EXOC4: variants seen among roughly 807,000 people sequenced by gnomAD.
The protein encoded by EXOC4 is SEC8-like 1.
In EXOC4, 71 loss-of-function variants were observed where a neutral mutation model predicts 107.2. That is an observed-to-expected ratio of 0.66 (90% CI 0.55 to 0.81). The LOEUF is 0.81. EXOC4 is among the 30% of genes least tolerant of loss of function. EXOC4 has a pLI of 0.00. For synonymous variants in EXOC4, 456 were observed against 441.2 expected (o/e 1.03, Z -0.42); for missense variants, 1,108 against 1,189.6 (o/e 0.93, Z 1.01).
intron 10 of EXOC4, among the ~76,000 whole-genome samples, chr7:133,752,657 C>A (rs931053558): frequency 2.0e-5 from 3 of 151,932 alleles, no homozygotes; most frequent in Non-Finnish European, 2.9e-5. Flanking sequence ...AAACAAAAAA[C>A]AAAAAAGAGT....
intron 17 of EXOC4, among the ~76,000 whole-genome samples, chr7:134,033,597 C>T (rs2116488128): frequency 6.6e-6 from 1 of 152,216 alleles, no homozygotes; most frequent in Middle Eastern, 3.4e-3. Context: ...GAAAAGAGAA[C>T]AGAGAATGAA....
intron 9 of EXOC4, among the ~76,000 whole-genome samples, chr7:133,615,176 C>T (rs1257488610): frequency 6.6e-6 from 1 of 152,048 alleles, no homozygotes; most frequent in Non-Finnish European, 1.5e-5. Context: ...ATGCCTGACT[C>T]TCCGGCCTCC....
intron 10 of EXOC4, among the ~76,000 whole-genome samples, chr7:133,806,566 A>G (rs1797082618): frequency 6.6e-6 from 1 of 152,186 alleles, no homozygotes; most frequent in South Asian, 2.1e-4. Flanking sequence ...ATGTCCCAGT[A>G]CCTCAGCACA....
At chr7:133,552,656 G>A (rs1375748775) in intron 9 of EXOC4, among the ~76,000 whole-genome samples, 1 of 152,078 alleles carries the variant, frequency 6.6e-6, no homozygotes, top group Non-Finnish European at 1.5e-5. Context: ...AGGAGGGATA[G>A]TTTCCTTAAC....
chr7:133,280,625 AT>A lies in EXOC4; in HGVS notation c.276+5462del, dbSNP rs552224234. 3.3e-5 allele frequency among the ~76,000 whole-genome samples: 5 copies of A among 151,916 alleles called. No homozygotes were observed. In the East Asian group the frequency reaches 9.6e-4, roughly 29 times the overall value. On this transcript the variant is annotated intron_variant, in intron 2 of 17. Coordinates refer to ENST00000253861, the MANE Select transcript of EXOC4 (RefSeq NM_021807.4). ...GGTGCTAGATCAAGCTCTGAATCTCATTTTTTTTGCCTATAATGAGAAATAA... is the reference window on the plus strand; with the variant it reads ...GGTGCTAGATCAAGCTCTGAATCTCATTTTTTTGCCTATAATGAGAAATAA...
chr7:133,969,663 C>T (rs552928019), intron 14 of EXOC4, among the ~76,000 whole-genome samples: 89 of 152,330 alleles, frequency 5.8e-4, no homozygotes, highest in Middle Eastern at 6.8e-3. Flanking sequence ...GTATCACCAG[C>T]GGAGGCTGCA....
chr7:133,336,142 G>A (rs761662015), intron 5 of EXOC4, among the ~76,000 whole-genome samples: 1 of 152,114 alleles, frequency 6.6e-6, no homozygotes, highest in Admixed American at 6.5e-5. Context: ...TTCATAGGTT[G>A]CCTTTTAGCT....
At chr7:133,278,276 A>G (rs1794044959) in intron 2 of EXOC4, among the ~76,000 whole-genome samples, 1 of 152,256 alleles carries the variant, frequency 6.6e-6, no homozygotes, top group Non-Finnish European at 1.5e-5. Flanking sequence ...TTTCAGGTGT[A>G]GAAGTGAAGA....
At chr7:133,296,787 T>C (rs1002283347) in intron 3 of EXOC4, among the ~76,000 whole-genome samples, 1 of 152,138 alleles carries the variant, frequency 6.6e-6, no homozygotes, top group African/African-American at 2.4e-5. Flanking sequence ...CCTACGAGGT[T>C]CAGCAATTTC....
intron 14 of EXOC4, among the ~76,000 whole-genome samples, chr7:133,985,036 G>A (rs1794082629): frequency 6.6e-6 from 1 of 152,120 alleles, no homozygotes; most frequent in Non-Finnish European, 1.5e-5. Flanking sequence ...CGAATGTTGA[G>A]ACATCTAAGA....
intron 7 of EXOC4, among the ~76,000 whole-genome samples, chr7:133,466,087 A>G (rs377134927): frequency 1.3e-5 from 2 of 152,016 alleles, no homozygotes. Context: ...CAGTGAGCTG[A>G]GATCATGCCA....
At chr7:133,391,503 G>C (rs140221492) in intron 7 of EXOC4, among the ~76,000 whole-genome samples, 3 of 152,188 alleles carry the variant, frequency 2.0e-5, no homozygotes, top group African/African-American at 7.2e-5. Context: ...GGACACGTGC[G>C]TACTGGAAGG....
At chr7:133,281,757 A>T (rs1347445901) in intron 2 of EXOC4, among the ~76,000 whole-genome samples, 1 of 149,102 alleles carries the variant, frequency 6.7e-6, no homozygotes, top group Non-Finnish European at 1.5e-5. Context: ...GCTGGAGGGC[A>T]ATGATATGAT....
chr7:133,458,729 A>G (rs1798520151), intron 7 of EXOC4, among the ~76,000 whole-genome samples: 1 of 152,234 alleles, frequency 6.6e-6, no homozygotes, highest in African/African-American at 2.4e-5. Flanking sequence ...CAGAGAGAAT[A>G]TTGCACATTT....
intron 5 of EXOC4, among the ~76,000 whole-genome samples, chr7:133,349,963 T>C (rs1285666807): frequency 6.6e-6 from 1 of 152,136 alleles, no homozygotes; most frequent in Non-Finnish European, 1.5e-5. Flanking sequence ...TTCAAGTGCA[T>C]ATTGGCCATT....
intron 10 of EXOC4, among the ~76,000 whole-genome samples, chr7:133,662,955 T>C (rs1394034905): frequency 2.0e-5 from 3 of 152,188 alleles, no homozygotes; most frequent in African/African-American, 7.2e-5. Context: ...GCAAGTGATA[T>C]GGCTGTTAAT....
chr7:133,339,558 A>G (rs1434948490), intron 5 of EXOC4, among the ~76,000 whole-genome samples: 2 of 152,106 alleles, frequency 1.3e-5, no homozygotes, highest in Non-Finnish European at 2.9e-5. Flanking sequence ...TGATGGTGGT[A>G]TTTTGATGGG....
intron 7 of EXOC4, among the ~76,000 whole-genome samples, chr7:133,407,794 T>C (rs1797256880): frequency 6.6e-6 from 1 of 152,150 alleles, no homozygotes; most frequent in Admixed American, 6.5e-5. Flanking sequence ...AAAATAAGAA[T>C]TTAGGTAAGA....
chr7:133,457,553 T>C (rs1798492151), intron 7 of EXOC4, among the ~76,000 whole-genome samples: 1 of 152,158 alleles, frequency 6.6e-6, no homozygotes, highest in Non-Finnish European at 1.5e-5. Flanking sequence ...CGTATCAAAA[T>C]TTAATACTTG....
Sources: allele counts gnomAD v4.1 joint callset (sites outside exome capture counted in the v4.1 genomes callset), GRCh38; gene constraint gnomAD v4.1.1; transcripts MANE v1.5; gene names NCBI Gene and HGNC (gene_info 2026-07-23, HGNC 2026-07-21).